ADAMTS6: variants seen among roughly 807,000 people sequenced by gnomAD.
ADAMTS6 encodes the protein A disintegrin and metalloproteinase with thrombospondin motifs 6.
ADAMTS6 carries 23 observed loss-of-function variants against 144.3 expected under a neutral mutation model. The observed-to-expected ratio is 0.16, with a 90% CI of 0.11 to 0.23. The LOEUF (loss-of-function observed/expected upper bound fraction) is 0.23, where lower values mean the gene tolerates loss of function less well. ADAMTS6 is among the 10% of genes least tolerant of loss of function. ADAMTS6 has a pLI of 1.00. For missense variants in ADAMTS6, 999 were observed against 1,379.6 expected (o/e 0.72, Z 4.37); for synonymous variants, 444 against 457.5 (o/e 0.97, Z 0.38).
intron 7 of ADAMTS6, among the ~76,000 whole-genome samples, chr5:65,444,312 G>A (rs1197282413): frequency 1.3e-5 from 2 of 152,080 alleles, no homozygotes; most frequent in African/African-American, 2.4e-5. Context: ...GAATCACAAA[G>A]CTGAGATCGT....
At chr5:65,435,532 T>C (rs6449785) in intron 7 of ADAMTS6, among the ~76,000 whole-genome samples, 26,306 of 152,102 alleles carry the variant, frequency 0.17, 3,047 homozygotes, top group African/African-American at 0.33. Flanking sequence ...GCATTATTGT[T>C]ACATAAGATG....
At chr5:65,189,610 T>C (rs1349842066) in intron 21 of ADAMTS6, among the ~76,000 whole-genome samples, 1 of 152,252 alleles carries the variant, frequency 6.6e-6, no homozygotes, top group African/African-American at 2.4e-5. Context: ...TTTTGTTATC[T>C]GAAACAAGGG....
chr5:65,374,172 G>A (rs868051808), intron 7 of ADAMTS6, among the ~76,000 whole-genome samples: 3 of 152,078 alleles, frequency 2.0e-5, no homozygotes, highest in South Asian at 4.2e-4. Context: ...GGCAAAAACT[G>A]GAAGCATTCC....
At chr5:65,481,301 A>G (rs1308304103) in intron 1 of ADAMTS6, 42 bp downstream of exon 1, 2 of 142,940 alleles carry the variant, frequency 1.4e-5, no homozygotes, top group Non-Finnish European at 3.1e-5. Context: ...TTGTTGGTTT[A>G]AAAAAAAAAA....
At chr5:65,470,730 A>C in intron 3 of ADAMTS6, 48 bp downstream of exon 3, 1 of 1,475,984 alleles carries the variant, frequency 6.8e-7, no homozygotes, top group Non-Finnish European at 8.9e-7. Context: ...TTACATTGCA[A>C]AATTCTTATT....
intron 7 of ADAMTS6, among the ~76,000 whole-genome samples, chr5:65,368,941 A>G (rs139610911): frequency 0.033 from 4,990 of 152,318 alleles, 275 homozygotes; most frequent in African/African-American, 0.11. Flanking sequence ...CTGTAGTCCC[A>G]GCTACTTGGG....
intron 7 of ADAMTS6, among the ~76,000 whole-genome samples, chr5:65,372,645 C>T (rs35987307): frequency 0.27 from 40,526 of 151,574 alleles, 6,230 homozygotes; most frequent in South Asian, 0.4. Flanking sequence ...TAGACTCCCA[C>T]GCATTAATAA....
At chr5:65,211,913 G>A (rs1049134195) in intron 20 of ADAMTS6, among the ~76,000 whole-genome samples, 4 of 152,104 alleles carry the variant, frequency 2.6e-5, no homozygotes, top group African/African-American at 4.8e-5. Flanking sequence ...ACTATGTTTC[G>A]GATATTGTTC....
At chr5:65,366,984 G>A (rs550211141) in intron 7 of ADAMTS6, among the ~76,000 whole-genome samples, 6 of 152,242 alleles carry the variant, frequency 3.9e-5, no homozygotes, top group Admixed American at 6.5e-5. Context: ...AGAATGATGC[G>A]GGGGGTGGGG....
At chr5:65,333,071 T>G (rs1021450883) in intron 8 of ADAMTS6, among the ~76,000 whole-genome samples, 10 of 152,254 alleles carry the variant, frequency 6.6e-5, no homozygotes, top group African/African-American at 2.4e-4. Flanking sequence ...TACTTTAATT[T>G]GATCTTTGCA....
At chr5:65,207,045 T>C (rs2112282275) in intron 20 of ADAMTS6, among the ~76,000 whole-genome samples, 1 of 152,224 alleles carries the variant, frequency 6.6e-6, no homozygotes, top group East Asian at 1.9e-4. Context: ...TCCTGTATAA[T>C]CATTTAGTAT....
chr5:65,169,408 A>C (rs1753450472), intron 24 of ADAMTS6, among the ~76,000 whole-genome samples: 1 of 142,784 alleles, frequency 7.0e-6, no homozygotes, highest in African/African-American at 2.7e-5. Flanking sequence ...GAGGATGTGG[A>C]GAAATAGGAA....
intron 24 of ADAMTS6, among the ~76,000 whole-genome samples, chr5:65,156,182 C>T (rs1392881208): frequency 6.6e-6 from 1 of 152,118 alleles, no homozygotes; most frequent in African/African-American, 2.4e-5. Context: ...ATGCTGATGT[C>T]GTTGAGAGGC....
chr5:65,465,251 A>C (rs539822267), intron 3 of ADAMTS6, among the ~76,000 whole-genome samples: 1 of 152,130 alleles, frequency 6.6e-6, no homozygotes, highest in South Asian at 2.1e-4. Flanking sequence ...TTCCCCTCCG[A>C]TAGACATTGC....
In ADAMTS6 at chr5:65,471,020, C is replaced by T; in HGVS notation, c.220G>A (p.Asp74Asn). The T allele has an allele frequency of 6.2e-7, 1 of 1,612,688 alleles. No homozygotes were observed. Among genetic ancestry groups the T allele is most frequent in the Non-Finnish European group, 8.5e-7 (1 of 1,179,580 alleles). ...ACTGCCTGCTGTGGATCAATAGGGT[C>T]CATACTCCGTCTTCTCCTTGAGTGT... is the stretch of plus-strand genomic sequence containing the variant. ...DKHSRRRRSMDPIDPQQAVSK... is the reference protein window; with the variant it reads ...DKHSRRRRSMNPIDPQQAVSK... Residue 74 changes from aspartate to asparagine, a missense_variant, in exon 3 of 25, where the codon GAC becomes AAC. Physicochemically the swap from Asp to Asn is conservative, Grantham distance 23. Around this residue, in one of 3 missense-constraint regions of ADAMTS6, gnomAD observed 252 missense variants for 293.7 expected, o/e 0.86. Transcript: ENST00000381055.
At chr5:65,396,798 A>C (rs2150156071) in intron 7 of ADAMTS6, among the ~76,000 whole-genome samples, 1 of 152,364 alleles carries the variant, frequency 6.6e-6, no homozygotes, top group East Asian at 1.9e-4. Flanking sequence ...GGTCTGCATA[A>C]GACATTTCTT....
intron 15 of ADAMTS6, among the ~76,000 whole-genome samples, chr5:65,239,133 G>T (rs891679020): frequency 2.0e-5 from 3 of 152,028 alleles, no homozygotes; most frequent in East Asian, 1.9e-4. Context: ...AGGGGGAGGG[G>T]GGAGAGATAG....
At position 65,433,629 on chromosome 5, in the gene ADAMTS6, C is replaced by A. The variant is rs183398642; in HGVS notation, c.1073+17846G>T. Among the ~76,000 whole-genome samples, 13 of 152,130 alleles carry A rather than the reference C, an allele frequency of 8.5e-5. No homozygotes were observed. In the East Asian group the frequency reaches 1.5e-3, roughly 18 times the overall value. ...TCTTGAAAAATGATATACAAATAGA[C>A]AATGAATAAATTTTAAAATGCTCAA... On this transcript the variant is annotated intron_variant, in intron 7 of 24. Transcript: ENST00000381055.
At chr5:65,414,555 G>A (rs958252983) in intron 7 of ADAMTS6, among the ~76,000 whole-genome samples, 3 of 152,122 alleles carry the variant, frequency 2.0e-5, no homozygotes, top group African/African-American at 7.2e-5. Flanking sequence ...GATGGAAAGT[G>A]ACAAAAGTGC....
Sources: allele counts gnomAD v4.1 joint callset (sites outside exome capture counted in the v4.1 genomes callset), GRCh38; gene constraint gnomAD v4.1.1; regional missense constraint gnomAD v4.1.1; transcripts MANE v1.5; gene names NCBI Gene and HGNC (gene_info 2026-07-23, HGNC 2026-07-21).